Variants in CCDC146 observed in about 807,000 individuals in gnomAD.
CCDC146 encodes coiled-coil domain containing 146, also known as coiled-coil domain-containing protein 146.
In CCDC146, 92 loss-of-function variants were observed where a neutral mutation model predicts 119.3. That is an observed-to-expected ratio of 0.77 (90% CI 0.65 to 0.92). The LOEUF (loss-of-function observed/expected upper bound fraction) is 0.92, where lower values mean the gene tolerates loss of function less well. Among genes scored for constraint, CCDC146 ranks in the 40% least tolerant of loss-of-function variants. The pLI is 0.00. For missense variants in CCDC146, 1,000 were observed against 1,103.0 expected, an observed-to-expected ratio of 0.91 and a Z score of 1.32; for synonymous variants, 372 against 371.8, an observed-to-expected ratio of 1.00 and a Z score of -0.01.
At chr7:77,264,331 C>T (rs1793359374) in intron 9 of CCDC146, among the ~76,000 whole-genome samples, 1 of 152,120 alleles carries the variant, frequency 6.6e-6, no homozygotes, top group African/African-American at 2.4e-5. Context: ...CATCTCAGCT[C>T]ACTGCAATCT....
At chr7:77,225,856 T>G (rs1370638497) in intron 2 of CCDC146, among the ~76,000 whole-genome samples, 2 of 151,892 alleles carry the variant, frequency 1.3e-5, no homozygotes, top group African/African-American at 4.8e-5. Context: ...GGCAGGAGAA[T>G]CGCTTGAACC....
chr7:77,208,650 C>T (rs532313600), intron 2 of CCDC146, among the ~76,000 whole-genome samples: 53 of 152,302 alleles, frequency 3.5e-4, no homozygotes, highest in African/African-American at 7.7e-4. Flanking sequence ...GTCCTTCATT[C>T]TGTTTCTCTT....
At chr7:77,269,087 G>T (rs1477832157) in intron 9 of CCDC146, among the ~76,000 whole-genome samples, 3 of 152,118 alleles carry the variant, frequency 2.0e-5, no homozygotes, top group Admixed American at 2.0e-4. Context: ...TCTCTATTCT[G>T]TCTTGGATTC....
rs375233859 is a variant in CCDC146, at chr7:77,192,549, C to T, written c.156+24725C>T. Among the ~76,000 whole-genome samples the T allele has an allele frequency of 4.2e-4, 64 of 152,210 alleles. 2 individuals are homozygous for T. The highest frequency in any genetic ancestry group is 2.1e-3 in the South Asian group (10 of 4,818). ...CGTAGTTTGTTTGTGTACAACAAGG[C>T]GTTTAGTATGGCAGAAGTATAAGTA... On this transcript the variant is annotated intron_variant, in intron 2 of 18. Coordinates refer to ENST00000285871, the MANE Select transcript of CCDC146 (RefSeq NM_020879.3).
chr7:77,226,512 T>C (rs1792517918), intron 2 of CCDC146, among the ~76,000 whole-genome samples: 1 of 152,254 alleles, frequency 6.6e-6, no homozygotes, highest in Non-Finnish European at 1.5e-5. Flanking sequence ...ATTTCCATTT[T>C]TGAAATTTTT....
chr7:77,233,381 A>G (rs1792672175), intron 2 of CCDC146, among the ~76,000 whole-genome samples: 1 of 152,038 alleles, frequency 6.6e-6, no homozygotes, highest in Non-Finnish European at 1.5e-5. Flanking sequence ...CGTGAGCCAC[A>G]GTGCCCGGCC....
chr7:77,242,691 C>T (rs1008225041), intron 4 of CCDC146, among the ~76,000 whole-genome samples: 5 of 152,124 alleles, frequency 3.3e-5, no homozygotes, highest in African/African-American at 9.7e-5. Flanking sequence ...AAAGCAAAAC[C>T]GTTTCTCCTA....
In CCDC146 at chr7:77,235,083, A is replaced by G. The variant is rs137927527; in HGVS notation, c.157-1864A>G. The stretch of plus-strand genomic sequence containing the variant: ...CATTCATTCATTTGCTAACAAATAT[A>G]AGCAATTTACCTAGCACCTGGGTAT... On this transcript the variant is annotated intron_variant, in intron 2 of 18. Coordinates refer to ENST00000285871, the MANE Select transcript of CCDC146 (RefSeq NM_020879.3). Among the ~76,000 whole-genome samples the G allele has an allele frequency of 3.4e-3, 521 of 152,290 alleles. 3 individuals are homozygous for G. The highest frequency in any genetic ancestry group is 0.012 in the African/African-American group (498 of 41,562).
intron 2 of CCDC146, among the ~76,000 whole-genome samples, chr7:77,224,893 T>A (rs181351408): frequency 6.6e-6 from 1 of 152,266 alleles, no homozygotes; most frequent in East Asian, 1.9e-4. Flanking sequence ...GTACTGGCAG[T>A]CTGGTTACTA....
chr7:77,193,161 G>C (rs2150426651), intron 2 of CCDC146, among the ~76,000 whole-genome samples: 1 of 152,242 alleles, frequency 6.6e-6, no homozygotes, highest in African/African-American at 2.4e-5. Context: ...AAAGAGGAGA[G>C]GAAGTTGAAT....
chr7:77,123,777 A>T (rs1461275140), intron 1 of CCDC146, among the ~76,000 whole-genome samples: 1 of 152,150 alleles, frequency 6.6e-6, no homozygotes, highest in Admixed American at 6.5e-5. Context: ...TAAAATTTTT[A>T]AAAATTCAGT....
At chr7:77,270,010 T>C (rs1460873984) in intron 9 of CCDC146, among the ~76,000 whole-genome samples, 1 of 152,196 alleles carries the variant, frequency 6.6e-6, no homozygotes, top group Non-Finnish European at 1.5e-5. Context: ...CAGAATGTAT[T>C]TCCCCCCAGA....
At position 77,294,748 on chromosome 7, in the gene CCDC146, C is replaced by T. The variant is rs376647143; in HGVS notation, c.2750C>T (p.Ala917Val). The T allele has an allele frequency of 3.5e-5, 56 of 1,614,196 alleles. No homozygotes were observed. In the African/African-American group the frequency reaches 7.2e-4, roughly 21 times the overall value. The change falls in exon 19 of 19, where the codon GCA (alanine) becomes GTA (valine). Residue 917 changes from alanine (A) to valine (V), a missense_variant. By Grantham distance (64) the Ala-to-Val change is moderately conservative. Coordinates refer to ENST00000285871, the MANE Select transcript of CCDC146 (RefSeq NM_020879.3). ...CGTCCGAATGCCTACATCCCAGAAGCAGATGCCACTCTTCCTTTGCCAAAA... is the reference window on the plus strand; with the variant it reads ...CGTCCGAATGCCTACATCCCAGAAGTAGATGCCACTCTTCCTTTGCCAAAA... Reference protein sequence around the residue: ...EQRPNAYIPEADATLPLPKPY... With the variant: ...EQRPNAYIPEVDATLPLPKPY...
chr7:77,291,030 G>A (rs938392314), intron 17 of CCDC146, among the ~76,000 whole-genome samples: 1 of 152,164 alleles, frequency 6.6e-6, no homozygotes, highest in African/African-American at 2.4e-5. Flanking sequence ...ATTTGGGGGG[G>A]TGCCTCTTAT....
At chr7:77,261,667 C>T (rs1459416904) in intron 8 of CCDC146, among the ~76,000 whole-genome samples, 2 of 151,788 alleles carry the variant, frequency 1.3e-5, no homozygotes, top group African/African-American at 4.8e-5. Context: ...TTAGTAGAGA[C>T]GGGGTTTCAC....
chr7:77,237,928 G>A (rs534555736), intron 3 of CCDC146, among the ~76,000 whole-genome samples: 1 of 152,130 alleles, frequency 6.6e-6, no homozygotes, highest in Admixed American at 6.5e-5. Flanking sequence ...AAAAGCCAAG[G>A]AGCAACAGCA....
At chr7:77,141,636 T>A (rs899702087) in intron 1 of CCDC146, among the ~76,000 whole-genome samples, 4 of 152,228 alleles carry the variant, frequency 2.6e-5, no homozygotes, top group Non-Finnish European at 5.9e-5. Flanking sequence ...TGGCATCTCG[T>A]TGTGGTTTTG....
intron 2 of CCDC146, among the ~76,000 whole-genome samples, chr7:77,224,302 G>A (rs1021200211): frequency 6.6e-6 from 1 of 152,138 alleles, no homozygotes; most frequent in African/African-American, 2.4e-5. Context: ...AGCCACCTAC[G>A]TTCCTTGACT....
At position 77,128,013 on chromosome 7, in the gene CCDC146, A is replaced by G. The variant is rs558114228; in HGVS notation, c.-12+5281A>G. ...ATTTATTTGGTTCTTTAAAAAATCTATTTTCTCTTATTTTAAACTGCTCCG... is the reference window on the plus strand; with the variant it reads ...ATTTATTTGGTTCTTTAAAAAATCTGTTTTCTCTTATTTTAAACTGCTCCG... On this transcript the variant is annotated intron_variant, in intron 1 of 18. Coordinates refer to ENST00000285871, the MANE Select transcript of CCDC146 (RefSeq NM_020879.3). Among the ~76,000 whole-genome samples the G allele has an allele frequency of 9.8e-4, 149 of 152,032 alleles. 1 individual carries two copies. Among genetic ancestry groups the G allele is most frequent in the Non-Finnish European group, 1.8e-3 (123 of 67,992 alleles).
Sources: allele counts gnomAD v4.1 joint callset (sites outside exome capture counted in the v4.1 genomes callset), GRCh38; gene constraint gnomAD v4.1.1; transcripts MANE v1.5; gene names NCBI Gene and HGNC (gene_info 2026-07-23, HGNC 2026-07-21).